The following RAP1GAP2 variants were observed in gnomAD, a reference collection of about 807,000 sequenced individuals.
RAP1GAP2 encodes the protein RAP1 GTPase activating protein 2.
Under a neutral mutation model 95.0 loss-of-function variants are expected in RAP1GAP2, and 27 were observed. That is an observed-to-expected ratio of 0.28 (90% CI 0.21 to 0.39). The LOEUF is 0.39. Among genes scored for constraint, RAP1GAP2 ranks in the 10% least tolerant of loss-of-function variants. The pLI is 1.00. For synonymous variants in RAP1GAP2, 373 were observed against 380.9 expected (o/e 0.98, Z 0.24); for missense variants, 771 against 970.0 (o/e 0.79, Z 2.72).
chr17:2,818,614 C>T (rs1303686151), intron 2 of RAP1GAP2, among the ~76,000 whole-genome samples: 1 of 152,100 alleles, frequency 6.6e-6, no homozygotes. Flanking sequence ...AGGTGTGAGC[C>T]ACCGTGCCCG....
At chr17:2,859,922 G>T in intron 2 of RAP1GAP2, among the ~76,000 whole-genome samples, 1 of 150,066 alleles carries the variant, frequency 6.7e-6, no homozygotes, top group African/African-American at 2.4e-5. Flanking sequence ...GTTTTTTGTT[G>T]TTGATTGTTT....
chr17:2,845,859 TTAAAA>T (rs2071563946), intron 2 of RAP1GAP2, among the ~76,000 whole-genome samples: 1 of 145,914 alleles, frequency 6.9e-6, no homozygotes, highest in South Asian at 2.1e-4. Flanking sequence ...AGGCTCTGTC[TTAAAA>T]TAAATAAATA....
At chr17:2,800,671 C>A in intron 2 of RAP1GAP2, 121 bp downstream of exon 2, 2 of 1,070,300 alleles carry the variant, frequency 1.9e-6, no homozygotes, top group Non-Finnish European at 1.4e-6. Flanking sequence ...AGATTCCAGT[C>A]CGAGTCCATG....
At position 3,035,962 on chromosome 17, in the gene RAP1GAP2, G is replaced by C. The variant is rs2047456331; in HGVS notation, c.*2601G>C. 1 of 152,232 alleles carries C rather than the reference G, an allele frequency of 6.6e-6. No homozygotes were observed. The highest frequency in any genetic ancestry group is 1.5e-5 in the Non-Finnish European group (1 of 68,064). The allele number at this position is 152,232 out of a possible 1,614,324, so 9.4% of individuals were successfully genotyped here. Reference sequence around the variant, plus strand: ...CTGGTGTTTGAGGCATTTCCACTGTGATCTCCACGAGGGGATGTTTTCCGG... The same window carrying C: ...CTGGTGTTTGAGGCATTTCCACTGTCATCTCCACGAGGGGATGTTTTCCGG... On this transcript the variant is annotated 3_prime_UTR_variant, in exon 25 of 25. Coordinates refer to ENST00000254695, the MANE Select transcript of RAP1GAP2 (RefSeq NM_015085.5). This position sits in a 1 kb window ranked among gnomAD's most constrained non-coding sequence, Gnocchi z 4.3.
intron 8 of RAP1GAP2, among the ~76,000 whole-genome samples, chr17:2,972,822 A>G (rs2044929475): frequency 6.6e-6 from 1 of 152,154 alleles, no homozygotes. Context: ...AAATTCATTC[A>G]GTGTTTGTTT....
intron 3 of RAP1GAP2, among the ~76,000 whole-genome samples, chr17:2,934,526 C>T (rs1292956249): frequency 6.6e-6 from 1 of 152,196 alleles, no homozygotes; most frequent in Non-Finnish European, 1.5e-5. Context: ...TCCTTTTAGC[C>T]AGCTGGTAAG....
At chr17:2,770,235 A>C in intron 1 of RAP1GAP2, 1 of 397,666 alleles carries the variant, frequency 2.5e-6, no homozygotes, top group Non-Finnish European at 4.4e-6. Flanking sequence ...GTAAACAGGT[A>C]CCCCTCAGCA....
In RAP1GAP2 at chr17:3,005,307, T is replaced by C. The variant is rs2046298149; in HGVS notation, c.1201-62T>C. The C allele has an allele frequency of 2.7e-6, 4 of 1,494,826 alleles. No homozygotes were observed. Among genetic ancestry groups the C allele is most frequent in the Non-Finnish European group, 3.7e-6 (4 of 1,071,392 alleles). 92.6% of individuals were successfully genotyped at this position (1,494,826 alleles called of 1,614,324 possible). On this transcript the variant is annotated intron_variant, in intron 14 of 24. Transcript: ENST00000254695. The surrounding 1 kb of genome is among the most constrained non-coding windows in gnomAD (Gnocchi z 5.2). ...TGAGTAGCTTTGTAAGGAGCGTGGC[T>C]CCCGTAGGGGCAGCGCTCGTCTCTT...
chr17:2,778,408 G>A (rs2151442629), intron 1 of RAP1GAP2, among the ~76,000 whole-genome samples: 1 of 152,236 alleles, frequency 6.6e-6, no homozygotes, highest in South Asian at 2.1e-4. Flanking sequence ...TAGGGTCGGG[G>A]CTGGTCTAAG....
At chr17:2,890,133 C>A (rs572222667) in intron 2 of RAP1GAP2, among the ~76,000 whole-genome samples, 8 of 151,766 alleles carry the variant, frequency 5.3e-5, no homozygotes, top group Non-Finnish European at 1.2e-4. Context: ...GGGTGGAACC[C>A]CTTGTTCTGG....
chr17:2,909,401 G>A (rs921730181), intron 3 of RAP1GAP2, among the ~76,000 whole-genome samples: 1 of 152,148 alleles, frequency 6.6e-6, no homozygotes, highest in Non-Finnish European at 1.5e-5. Context: ...CGTGTGTTGA[G>A]GAATGGGTGG....
rs554444095 is a variant in RAP1GAP2, at chr17:2,902,739, C to T, written c.81-2545C>T. The stretch of plus-strand genomic sequence containing the variant: ...AGAGTCTGCCTCGCTTCCTAGAGAC[C>T]GGCCCCAGGAGCTTATCCAGTGTCC... On this transcript the variant is annotated intron_variant, in intron 2 of 24. Transcript: ENST00000254695. The surrounding 1 kb of genome is among the most constrained non-coding windows in gnomAD (Gnocchi z 4.1). 1.3e-4 allele frequency among the ~76,000 whole-genome samples: 20 copies of T among 152,184 alleles called. No homozygotes were observed. Among genetic ancestry groups the T allele is most frequent in the African/African-American group, 4.1e-4 (17 of 41,540 alleles).
At chr17:2,758,865 T>C (rs965246743) in intron 1 of RAP1GAP2, among the ~76,000 whole-genome samples, 1 of 152,132 alleles carries the variant, frequency 6.6e-6, no homozygotes, top group African/African-American at 2.4e-5. Context: ...ACAACGCCAC[T>C]GAGGCTGGAG....
intron 2 of RAP1GAP2, among the ~76,000 whole-genome samples, chr17:2,842,610 CCT>C (rs1170464877): frequency 6.6e-6 from 1 of 152,024 alleles, no homozygotes; most frequent in Non-Finnish European, 1.5e-5. Context: ...GGAGCCCTCC[CCT>C]CCCTAGAGTT....
At chr17:2,786,614 G>C (rs935469292) in intron 1 of RAP1GAP2, among the ~76,000 whole-genome samples, 3 of 151,582 alleles carry the variant, frequency 2.0e-5, no homozygotes, top group South Asian at 2.1e-4. Context: ...CACGGTCCAA[G>C]CCTTTCTTTT....
chr17:2,848,812 C>T (rs1463986504), intron 2 of RAP1GAP2, among the ~76,000 whole-genome samples: 1 of 152,208 alleles, frequency 6.6e-6, no homozygotes, highest in Admixed American at 6.6e-5. Flanking sequence ...CCGCACCCGG[C>T]CCAGCTCTCA....
chr17:2,962,363 T>G, intron 4 of RAP1GAP2: 1 of 389,340 alleles, frequency 2.6e-6, no homozygotes, highest in Non-Finnish European at 4.6e-6. Context: ...ATTTTACAGA[T>G]GAGAACATTG....
chr17:2,932,524 T>C (rs1274858987), intron 3 of RAP1GAP2, among the ~76,000 whole-genome samples: 1 of 149,662 alleles, frequency 6.7e-6, no homozygotes, highest in Non-Finnish European at 1.5e-5. Context: ...CCTTTTTATT[T>C]ATTATTTATT....
chr17:2,823,995 C>T (rs909176812), intron 2 of RAP1GAP2, among the ~76,000 whole-genome samples: 22 of 151,320 alleles, frequency 1.5e-4, no homozygotes, highest in Non-Finnish European at 2.4e-4. Context: ...TGGTGGCGGG[C>T]GCCTGTAGTC....
Sources: allele counts gnomAD v4.1 joint callset (sites outside exome capture counted in the v4.1 genomes callset), GRCh38; gene constraint gnomAD v4.1.1; non-coding constraint Gnocchi (gnomAD v3.1); transcripts MANE v1.5; gene names NCBI Gene and HGNC (gene_info 2026-07-23, HGNC 2026-07-21).